Variants in DNAI2 observed in about 807,000 individuals in gnomAD.
The protein encoded by DNAI2 is dynein, axonemal, intermediate polypeptide 2.
In DNAI2, 63 loss-of-function variants were observed where a neutral mutation model predicts 74.7. That is an observed-to-expected ratio of 0.84 (90% CI 0.69 to 1.04). DNAI2 has a LOEUF of 1.04. DNAI2 is among the 50% of genes least tolerant of loss of function. The pLI, the probability that DNAI2 is intolerant of heterozygous loss-of-function variation, is 0.00. For synonymous variants in DNAI2, 289 were observed against 314.9 expected (o/e 0.92, Z 0.87); for missense variants, 688 against 803.2 (o/e 0.86, Z 1.73).
Position 74,311,985 on chromosome 17 carries a change from C to T in DNAI2, c.1495-18C>T. Reference sequence around the variant, plus strand: ...CTGCCCTCTCCCCACCGGGCTCTCTCTGTCCCTGGGTGCCCAGATGTTTGA... The same window carrying T: ...CTGCCCTCTCCCCACCGGGCTCTCTTTGTCCCTGGGTGCCCAGATGTTTGA... On this transcript the variant is annotated intron_variant, in intron 11 of 13. Transcript: ENST00000311014. 1.2e-6 allele frequency: 2 copies of T among 1,610,790 alleles called. No individual in the cohort carries two copies. The highest frequency in any genetic ancestry group is 1.7e-6 in the Non-Finnish European group (2 of 1,179,496).
chr17:74,282,803 A>C (rs2051472017), intron 2 of DNAI2, among the ~76,000 whole-genome samples: 1 of 152,240 alleles, frequency 6.6e-6, no homozygotes, highest in South Asian at 2.1e-4. Context: ...TAGGTCAACA[A>C]CTGCTGAGAT....
chr17:74,299,895 G>A, intron 7 of DNAI2, 38 bp downstream of exon 7: 1 of 1,612,132 alleles, frequency 6.2e-7, no homozygotes, highest in Non-Finnish European at 8.5e-7. Context: ...GGAGGGAAGG[G>A]AGGGGCAGTA....
At chr17:74,291,712 A>AG (rs370515891) in intron 6 of DNAI2, among the ~76,000 whole-genome samples, 186 of 152,338 alleles carry the variant, frequency 1.2e-3, no homozygotes, top group African/African-American at 4.0e-3. Flanking sequence ...ATATTTGACT[A>AG]GGGGCCGCCA....
chr17:74,296,625 G>T (rs1382117983), intron 6 of DNAI2, among the ~76,000 whole-genome samples: 1 of 152,174 alleles, frequency 6.6e-6, no homozygotes, highest in African/African-American at 2.4e-5. Context: ...ACACCCTGAT[G>T]AAAAGACTTT....
intron 5 of DNAI2, among the ~76,000 whole-genome samples, 162 bp from the exon 6 acceptor site, chr17:74,290,858 A>T (rs1348648298): frequency 6.6e-6 from 1 of 152,246 alleles, no homozygotes; most frequent in Non-Finnish European, 1.5e-5. Context: ...GATTCTGGCC[A>T]AGGTGGACCA....
chr17:74,309,752 G>C (rs2053405928), intron 10 of DNAI2: 1 of 635,208 alleles, frequency 1.6e-6, no homozygotes, highest in Non-Finnish European at 2.8e-6. Flanking sequence ...GAGCCCCACT[G>C]GCTGGGGCCA....
chr17:74,282,652 A>C (rs2051462832), intron 2 of DNAI2, among the ~76,000 whole-genome samples: 1 of 152,212 alleles, frequency 6.6e-6, no homozygotes, highest in South Asian at 2.1e-4. Flanking sequence ...GCAACTACCC[A>C]GCTTGAGAAA....
At chr17:74,307,501 C>G (rs2053252980) in intron 9 of DNAI2, among the ~76,000 whole-genome samples, 1 of 151,124 alleles carries the variant, frequency 6.6e-6, no homozygotes, top group Non-Finnish European at 1.5e-5. Context: ...ATCCCCATCT[C>G]TAATAAAAAT....
intron 8 of DNAI2, among the ~76,000 whole-genome samples, chr17:74,303,480 GC>G (rs1361471166): frequency 1.3e-5 from 2 of 152,144 alleles, no homozygotes; most frequent in East Asian, 3.9e-4. Flanking sequence ...TTGCTCTGTT[GC>G]CCATGCTGGA....
chr17:74,290,028 A>G (rs996569490), intron 5 of DNAI2, among the ~76,000 whole-genome samples: 3 of 152,268 alleles, frequency 2.0e-5, no homozygotes, highest in East Asian at 3.9e-4. Flanking sequence ...CCTAAGGAGC[A>G]TATCAGGCCG....
At chr17:74,280,148 G>A (rs1386173838) in intron 1 of DNAI2, among the ~76,000 whole-genome samples, 3 of 152,224 alleles carry the variant, frequency 2.0e-5, no homozygotes, top group African/African-American at 7.2e-5. Flanking sequence ...GTCTAGTGAT[G>A]TCATGGGGGA....
chr17:74,310,535 TTTTA>T (rs887067027), intron 11 of DNAI2, among the ~76,000 whole-genome samples: 14 of 151,602 alleles, frequency 9.2e-5, no homozygotes, highest in Non-Finnish European at 1.3e-4. Flanking sequence ...ATTTAATTAT[TTTTA>T]TTTATTTATT....
chr17:74,285,591 GCA>G (rs1491330483), intron 3 of DNAI2, among the ~76,000 whole-genome samples: 2 of 109,928 alleles, frequency 1.8e-5, no homozygotes, highest in Non-Finnish European at 4.4e-5. Flanking sequence ...ACTTGCCAGT[GCA>G]AAAAAAAAAA....
In DNAI2 at chr17:74,305,298, T is replaced by C. The variant is rs377052916; in HGVS notation, c.1067T>C (p.Ile356Thr). Residue 356 changes from isoleucine (I) to threonine (T), a missense_variant, in exon 9 of 14, where the codon ATT becomes ACT. Physicochemically the swap from Ile to Thr is moderately conservative, Grantham distance 89. Coordinates refer to ENST00000311014, the MANE Select transcript of DNAI2 (RefSeq NM_023036.6). The part of the protein sequence containing the change: ...NRKAKTSAEK[I>T]VCTFPGHHGP... ...AAGGCCAAGACGTCAGCTGAAAAGA[T>C]TGTGTGCACCTTCCCGGGCCATCAT... 4.0e-5 allele frequency: 65 copies of C among 1,614,078 alleles called. No homozygotes were observed. The highest frequency in any genetic ancestry group is 5.3e-5 in the Non-Finnish European group (63 of 1,180,044).
chr17:74,304,220 G>A (rs1285244809), intron 8 of DNAI2, among the ~76,000 whole-genome samples: 5 of 116,984 alleles, frequency 4.3e-5, no homozygotes, highest in Non-Finnish European at 8.4e-5. Context: ...TTTGAGGTAG[G>A]GCCTTGCTCT....
chr17:74,299,688 C>G (rs1229966078), intron 6 of DNAI2, 30 bp from the exon 7 acceptor site: 1 of 1,612,978 alleles, frequency 6.2e-7, no homozygotes, highest in Non-Finnish European at 8.5e-7. Context: ...GTGCCCCCTT[C>G]CACTCCTTCT....
chr17:74,295,654 T>C (rs1004758605), intron 6 of DNAI2, among the ~76,000 whole-genome samples: 1 of 152,200 alleles, frequency 6.6e-6, no homozygotes, highest in African/African-American at 2.4e-5. Context: ...TAATTTTTTT[T>C]TTATTAAAAA....
At chr17:74,303,484 A>G (rs968022369) in intron 8 of DNAI2, among the ~76,000 whole-genome samples, 18 of 152,108 alleles carry the variant, frequency 1.2e-4, no homozygotes, top group African/African-American at 4.3e-4. Flanking sequence ...TCTGTTGCCC[A>G]TGCTGGAGTG....
chr17:74,309,798 C>A, intron 10 of DNAI2: 1 of 672,540 alleles, frequency 1.5e-6, no homozygotes, highest in Non-Finnish European at 2.6e-6. Flanking sequence ...CACAGGGTGA[C>A]TGTGAGGCGG....
Sources: gnomAD v4.1 joint callset for allele counts (sites outside exome capture counted in the v4.1 genomes callset) on GRCh38, gnomAD v4.1.1 for gene constraint, MANE v1.5 for transcripts, NCBI Gene and HGNC (gene_info 2026-07-23, HGNC 2026-07-21) for gene names.